The following KLHL38 variants were observed in gnomAD, a reference collection of about 807,000 sequenced individuals.
KLHL38 encodes the protein kelch-like protein 38.
In KLHL38, 38 loss-of-function variants were observed where a neutral mutation model predicts 39.6. That is an observed-to-expected ratio of 0.96 (90% CI 0.74 to 1.26). The LOEUF is 1.26. Among genes scored for constraint, KLHL38 ranks in the 50% most tolerant of loss-of-function variants. The pLI is 0.00. For synonymous variants in KLHL38, 322 were observed against 302.2 expected (o/e 1.07, Z -0.68); for missense variants, 803 against 748.1 (o/e 1.07, Z -0.86).
At chr8:123,653,291 T>C (rs1249514671) in intron 1 of KLHL38, among the ~76,000 whole-genome samples, 1 of 152,140 alleles carries the variant, frequency 6.6e-6, no homozygotes, top group Admixed American at 6.5e-5. Flanking sequence ...CAGCAGAAGT[T>C]CATGAGCCTT....
intron 1 of KLHL38, 21 bp from the exon 2 acceptor site, chr8:123,652,948 C>A: frequency 1.9e-6 from 3 of 1,566,634 alleles, no homozygotes; most frequent in South Asian, 2.3e-5. Context: ...GGAAGGAAGC[C>A]CCCAGAGTCA....
Position 123,651,557 on chromosome 8 carries a change from G to A in KLHL38, c.1350+20C>T, listed in dbSNP as rs1812644003. The A allele has an allele frequency of 6.5e-7, 1 of 1,542,790 alleles. No homozygotes were observed. The highest frequency in any genetic ancestry group is 1.3e-5 in the South Asian group (1 of 79,590). On this transcript the variant is annotated intron_variant, in intron 2 of 3. Transcript: ENST00000684634. ...ACACATACTCATGCAGTTACGTGATGGGAAGAACCGGCCATTTACCTGGAT... is the reference window on the plus strand; with the variant it reads ...ACACATACTCATGCAGTTACGTGATAGGAAGAACCGGCCATTTACCTGGAT...
intron 2 of KLHL38, 123 bp downstream of exon 2, chr8:123,651,450 ATATT>A: frequency 1.0e-6 from 1 of 959,360 alleles, no homozygotes; most frequent in South Asian, 1.6e-5. Flanking sequence ...GTGCATATAT[ATATT>A]TATGTGCATA....
In KLHL38 at chr8:123,645,930, TCA is replaced by T. The variant is rs1818656715; in HGVS notation, c.1553_1554del (p.Val518AspfsTer20). 2 of 1,614,064 alleles carry T rather than the reference TCA, an allele frequency of 1.2e-6. No individual in the cohort carries two copies. The highest frequency in any genetic ancestry group is 1.7e-6 in the Non-Finnish European group (2 of 1,180,018). Reference sequence around the variant, plus strand: ...CCCGTCACGTAGAGTTTGTTTCCCATCACTGTGGCCCCATGGTGCATCCTCCG... The same window carrying T: ...CCCGTCACGTAGAGTTTGTTTCCCATCTGTGGCCCCATGGTGCATCCTCCG... ...KDRRMHHGAT[V>X]MGNKLYVTGG... On this transcript the variant is annotated frameshift_variant, in exon 4 of 4. Coordinates refer to ENST00000684634, the MANE Select transcript of KLHL38 (RefSeq NM_001081675.3). LOFTEE classifies it high-confidence loss of function.
In KLHL38 at chr8:123,645,235, C is replaced by T. The variant is rs996584865; in HGVS notation, c.*504G>A. Among the ~76,000 whole-genome samples, 3 of 152,052 alleles carry T rather than the reference C, an allele frequency of 2.0e-5. No homozygotes were observed. Among genetic ancestry groups the T allele is most frequent in the Admixed American group, 1.3e-4 (2 of 15,270 alleles). On this transcript the variant is annotated 3_prime_UTR_variant, in exon 4 of 4. Transcript: ENST00000684634. The stretch of plus-strand genomic sequence containing the variant: ...GGTGGATCACTTGAGACCAGGAGTT[C>T]GTGACCAGCCTGGCCAACATAGTGA...
rs755707853 is a variant in KLHL38, at chr8:123,652,876, A to C, written c.51T>G (p.Ser17=). 1.1e-5 allele frequency: 17 copies of C among 1,604,526 alleles called. No homozygotes were observed. The East Asian group carries it at 3.8e-4, about 36-fold the overall frequency. Residue 17 remains serine (S), a synonymous_variant, in exon 2 of 4, where the codon TCT becomes TCG. Transcript: ENST00000684634. ...TGTTGAGCTGCCTCAACAAGTCAGA[A>C]GAGAAGTCGTGGTCTTTGAAGAGCA... is the stretch of plus-strand genomic sequence containing the variant. The part of the protein sequence containing the change: ...DGLLFKDHDF[S]SDLLRQLNSL...
Position 123,645,697 on chromosome 8 carries a change from A to G in KLHL38, c.*42T>C, listed in dbSNP as rs755591819. On this transcript the variant is annotated 3_prime_UTR_variant, in exon 4 of 4. Coordinates refer to ENST00000684634, the MANE Select transcript of KLHL38 (RefSeq NM_001081675.3). The stretch of plus-strand genomic sequence containing the variant: ...TGGAGCTGGGTTTGTGTCCCTGGCG[A>G]CAGAAGGCATTTTGACTAGGGCAGA... 3.1e-5 allele frequency: 49 copies of G among 1,600,374 alleles called. 1 individual carries two copies. The Middle Eastern group carries it at 6.0e-3, about 195-fold the overall frequency.
At chr8:123,646,860 G>T in intron 3 of KLHL38, 49 bp downstream of exon 3, 3 of 1,292,468 alleles carry the variant, frequency 2.3e-6, no homozygotes, top group South Asian at 1.3e-5. Flanking sequence ...TTTTTCCATA[G>T]AAGGTGCCAA....
intron 2 of KLHL38, among the ~76,000 whole-genome samples, chr8:123,647,807 G>A (rs537306522): frequency 6.6e-4 from 100 of 152,274 alleles, no homozygotes; most frequent in South Asian, 1.2e-3. Context: ...GGCCGGGTGC[G>A]GTGGCTCACG....
Position 123,652,787 on chromosome 8 carries a change from C to A in KLHL38, c.140G>T (p.Cys47Phe), listed in dbSNP as rs1563594350. 1.2e-6 allele frequency: 2 copies of A among 1,614,080 alleles called. No homozygotes were observed. Among genetic ancestry groups the A allele is most frequent in the Middle Eastern group, 3.3e-4 (2 of 6,062 alleles). ...GCTGGAGGCCAGCACGTTGCGGTGGCAGGGGATCTCCCGGGCACCGGCACA... is the reference window on the plus strand; with the variant it reads ...GCTGGAGGCCAGCACGTTGCGGTGGAAGGGGATCTCCCGGGCACCGGCACA... ...SICAGAREIPCHRNVLASSSP... is the reference protein window; with the variant it reads ...SICAGAREIPFHRNVLASSSP... Residue 47 changes from cysteine to phenylalanine, a missense_variant, in exon 2 of 4, where the codon TGC (cysteine) becomes TTC (phenylalanine). Physicochemically the swap from Cys to Phe is radical, Grantham distance 205 (BLOSUM62 -2). Transcript: ENST00000684634.
At position 123,651,553 on chromosome 8, in the gene KLHL38, TGATG is replaced by T. The variant is rs768984780; in HGVS notation, c.1350+20_1350+23del. The T allele has an allele frequency of 6.5e-6, 10 of 1,540,518 alleles. No individual in the cohort carries two copies. The highest frequency in any genetic ancestry group is 8.7e-6 in the Non-Finnish European group (10 of 1,149,550). On this transcript the variant is annotated intron_variant, in intron 2 of 3. Coordinates refer to ENST00000684634, the MANE Select transcript of KLHL38 (RefSeq NM_001081675.3). ...AAGCACACATACTCATGCAGTTACGTGATGGGAAGAACCGGCCATTTACCTGGAT... is the reference window on the plus strand; with the variant it reads ...AAGCACACATACTCATGCAGTTACGTGGAAGAACCGGCCATTTACCTGGAT...
chr8:123,649,108 A>G (rs1812585686), intron 2 of KLHL38, among the ~76,000 whole-genome samples: 1 of 152,238 alleles, frequency 6.6e-6, no homozygotes. Context: ...ATTTCTTGAT[A>G]TGCTAGCTTG....
chr8:123,651,745 C>A lies in KLHL38; in HGVS notation c.1182G>T (p.Gly394=), dbSNP rs755627527. The A allele has an allele frequency of 3.1e-6, 5 of 1,614,152 alleles. No individual in the cohort carries two copies. Among genetic ancestry groups the A allele is most frequent in the Non-Finnish European group, 3.4e-6 (4 of 1,180,012 alleles). Residue 394 remains glycine, a synonymous_variant, in exon 2 of 4, where the codon GGG becomes GGT. Transcript: ENST00000684634. ...TTTCCATGGAGCCCATGAGCTCCTGCCCTTCTCCAATCCCCCCGATGGAGA... is the reference window on the plus strand; with the variant it reads ...TTTCCATGGAGCCCATGAGCTCCTGACCTTCTCCAATCCCCCCGATGGAGA... ...FIFSIGGIGE[G]QELMGSMERY...
In KLHL38 at chr8:123,651,678, T is replaced by G; in HGVS notation, c.1249A>C (p.Met417Leu). 6.2e-7 allele frequency: 1 copy of G among 1,614,184 alleles called. No individual in the cohort carries two copies. The highest frequency in any genetic ancestry group is 8.5e-7 in the Non-Finnish European group (1 of 1,180,028). Reference sequence around the variant, plus strand: ...GCGGGGTGGAGCACCCCCACGGGCATGCTGGCCATACTCTCCCAGACATTG... The same window carrying G: ...GCGGGGTGGAGCACCCCCACGGGCAGGCTGGCCATACTCTCCCAGACATTG... ...ICNVWESMAS[M>L]PVGVLHPAVA... is the part of the protein sequence containing the mutation. The change falls in exon 2 of 4, where the codon ATG (methionine) becomes CTG (leucine). Residue 417 changes from methionine to leucine, a missense_variant. Physicochemically the swap from Met to Leu is conservative, Grantham distance 15. Transcript: ENST00000684634.
Position 123,652,274 on chromosome 8 carries a change from A to T in KLHL38, c.653T>A (p.Leu218Gln). The change falls in exon 2 of 4, where the codon CTG becomes CAG. Residue 218 changes from leucine (L) to glutamine (Q), a missense_variant. By Grantham distance (113) the Leu-to-Gln change is moderately radical. Transcript: ENST00000684634. ...LQARKRYMQE[L>Q]FKQVRLQYIH... The stretch of plus-strand genomic sequence containing the variant: ...GTACTGCAGCCTGACCTGCTTGAAC[A>T]GTTCCTGCATGTATCGCTTCCGGGC... 3.1e-6 allele frequency: 5 copies of T among 1,614,114 alleles called. No individual in the cohort carries two copies. Among genetic ancestry groups the T allele is most frequent in the Non-Finnish European group, 3.4e-6 (4 of 1,180,020 alleles).
chr8:123,652,949 C>T (rs765542121), intron 1 of KLHL38, 22 bp from the exon 2 acceptor site: 12 of 1,565,482 alleles, frequency 7.7e-6, no homozygotes, highest in Non-Finnish European at 9.5e-6. Flanking sequence ...GAAGGAAGCC[C>T]CCAGAGTCAG....
chr8:123,650,429 G>C (rs185396099), intron 2 of KLHL38, among the ~76,000 whole-genome samples: 1 of 152,134 alleles, frequency 6.6e-6, no homozygotes, highest in East Asian at 1.9e-4. Flanking sequence ...ACTGGTTTAG[G>C]GCATCCCGCC....
In KLHL38 at chr8:123,652,816, G is replaced by A. The variant is rs768517382; in HGVS notation, c.111C>T (p.Ser37=). 5.0e-6 allele frequency: 8 copies of A among 1,613,204 alleles called. No individual in the cohort carries two copies. In the Admixed American group the frequency reaches 1.0e-4, roughly 20 times the overall value. Residue 37 remains serine, a synonymous_variant, in exon 2 of 4, where the codon AGC becomes AGT. Transcript: ENST00000684634. ...GGATCTCCCGGGCACCGGCACAGAT[G>A]CTCACATCAGTCAGGATCCTGCTTT... ...LRQSRILTDV[S]ICAGAREIPC...
chr8:123,649,767 T>C (rs66970129), intron 2 of KLHL38, among the ~76,000 whole-genome samples: 23,046 of 152,130 alleles, frequency 0.15, 1,877 homozygotes, highest in South Asian at 0.27. Flanking sequence ...CCCGGTAGCC[T>C]GAGAAGGGGG....
Sources: gnomAD v4.1 joint callset for allele counts (sites outside exome capture counted in the v4.1 genomes callset) on GRCh38, gnomAD v4.1.1 for gene constraint, MANE v1.5 for transcripts, NCBI Gene and HGNC (gene_info 2026-07-23, HGNC 2026-07-21) for gene names.